Variants in HADHA observed in about 807,000 individuals in gnomAD.
HADHA encodes the protein hydroxyacyl-CoA dehydrogenase trifunctional multienzyme complex subunit alpha.
A neutral mutation model predicts 91.3 loss-of-function variants in HADHA; 59 were observed. That is an observed-to-expected ratio of 0.65 (90% CI 0.52 to 0.80). HADHA has a LOEUF of 0.80. Ranked by LOEUF, HADHA falls within the 30% of genes least tolerant of loss-of-function variation. The pLI, the probability that HADHA is intolerant of heterozygous loss-of-function variation, is 0.00. For synonymous variants in HADHA, 320 were observed against 338.9 expected (o/e 0.94, Z 0.61); for missense variants, 800 against 927.6 (o/e 0.86, Z 1.79).
intron 1 of HADHA, among the ~76,000 whole-genome samples, chr2:26,242,639 T>TGGTA (rs756357729): frequency 3.4e-4 from 52 of 152,212 alleles, no homozygotes; most frequent in Non-Finnish European, 1.0e-4. Flanking sequence ...TCACACAAGG[T>TGGTA]GGTATTATTC....
rs772501084 is a variant in HADHA, at chr2:26,215,021, C to G, written c.799+32G>C. 5 of 1,579,028 alleles carry G rather than the reference C, an allele frequency of 3.2e-6. No homozygotes were observed. In the South Asian group the frequency reaches 4.4e-5, roughly 14 times the overall value. ...TAAAATTAAATTCTCAGGAAAGAAGCTTTGCCTTTGTTCTTTAACAATGAT... is the reference window on the plus strand; with the variant it reads ...TAAAATTAAATTCTCAGGAAAGAAGGTTTGCCTTTGTTCTTTAACAATGAT... On this transcript the variant is annotated intron_variant, in intron 8 of 19. Coordinates refer to ENST00000380649, the MANE Select transcript of HADHA (RefSeq NM_000182.5).
At chr2:26,240,675 G>A (rs1051510349) in intron 1 of HADHA, among the ~76,000 whole-genome samples, 1 of 152,106 alleles carries the variant, frequency 6.6e-6, no homozygotes, top group African/African-American at 2.4e-5. Context: ...TTTGAGACGA[G>A]GTCTCCCTAT....
At chr2:26,193,533 T>G (rs1669572916) in intron 17 of HADHA, 44 bp downstream of exon 17, 1 of 1,493,300 alleles carries the variant, frequency 6.7e-7, no homozygotes, top group Admixed American at 1.7e-5. Context: ...TGCTTAGAAC[T>G]TTGTAACTAA....
intron 14 of HADHA, among the ~76,000 whole-genome samples, 161 bp from the exon 15 acceptor site, chr2:26,195,393 G>T (rs962673548): frequency 6.6e-6 from 1 of 152,026 alleles, no homozygotes; most frequent in Non-Finnish European, 1.5e-5. Context: ...TTTGATAAAA[G>T]TTTAGTATGT....
chr2:26,238,166 C>G (rs545583281), intron 3 of HADHA, among the ~76,000 whole-genome samples: 4 of 152,100 alleles, frequency 2.6e-5, no homozygotes, highest in Non-Finnish European at 4.4e-5. Flanking sequence ...CATCACCATA[C>G]CCAACTATTT....
At chr2:26,236,377 A>ATT (rs1553315895) in intron 4 of HADHA, among the ~76,000 whole-genome samples, 6 of 94,044 alleles carry the variant, frequency 6.4e-5, no homozygotes, top group Admixed American at 1.1e-4. Context: ...ATATATATAT[A>ATT]CTCTGTGTGT....
In HADHA at chr2:26,208,189, T is replaced by C. The variant is rs1670012607; in HGVS notation, c.1085+1591A>G. 2.0e-5 allele frequency among the ~76,000 whole-genome samples: 3 copies of C among 152,334 alleles called. No homozygotes were observed. The South Asian group carries it at 6.2e-4, about 32-fold the overall frequency. On this transcript the variant is annotated intron_variant, in intron 11 of 19. Coordinates refer to ENST00000380649, the MANE Select transcript of HADHA (RefSeq NM_000182.5). ...TTTGCAAATGCTGATTTAAGAATAT[T>C]TAAATCAAGTTCTGTTATAGTCTTC... is the stretch of plus-strand genomic sequence containing the variant.
Position 26,244,556 on chromosome 2 carries a change from G to A in HADHA, c.41C>T (p.Ser14Phe), listed in dbSNP as rs765213828. The A allele has an allele frequency of 6.9e-6, 11 of 1,588,234 alleles. No individual in the cohort carries two copies. In the African/African-American group the frequency reaches 1.5e-4, roughly 21 times the overall value. Residue 14 changes from serine to phenylalanine, a missense_variant, in exon 1 of 20, where the codon TCT becomes TTT. By Grantham distance (155) the Ser-to-Phe change is radical. Coordinates refer to ENST00000380649, the MANE Select transcript of HADHA (RefSeq NM_000182.5). ...TCGGGAGCGGAGGATCCTGAAGGCA[G>A]AAAAGCGGCTGAGGATGCCAATCGC... ...CRAIGILSRFSAFRILRSRGY... is the reference protein window; with the variant it reads ...CRAIGILSRFFAFRILRSRGY...
At chr2:26,191,713 T>TG in intron 18 of HADHA, 85 bp from the exon 19 acceptor site, 1 of 1,379,916 alleles carries the variant, frequency 7.2e-7, no homozygotes, top group Non-Finnish European at 1.0e-6. Flanking sequence ...GAAGTCGGGA[T>TG]GGGTGCATGG....
intron 11 of HADHA, 79 bp from the exon 12 acceptor site, chr2:26,204,275 T>C (rs1199571987): frequency 7.8e-7 from 1 of 1,282,132 alleles, no homozygotes; most frequent in Non-Finnish European, 1.1e-6. Flanking sequence ...CCTAAGTTAT[T>C]CAATAAACCA....
At chr2:26,192,198 G>A (rs1040613291) in intron 18 of HADHA, 112 bp downstream of exon 18, 23 of 682,288 alleles carry the variant, frequency 3.4e-5, no homozygotes, top group Non-Finnish European at 4.8e-5. Flanking sequence ...ACCTGCACAT[G>A]TATCCCAGGA....
intron 7 of HADHA, among the ~76,000 whole-genome samples, chr2:26,224,228 A>G: frequency 6.6e-6 from 1 of 152,280 alleles, no homozygotes; most frequent in East Asian, 1.9e-4. Flanking sequence ...TACTGGGGGG[A>G]AAAAGGAGCT....
At position 26,238,865 on chromosome 2, in the gene HADHA, C is replaced by G. The variant is rs2303892; in HGVS notation, c.180+69G>C. ...GGTAGATTTGGGGAAATATGGGATA[C>G]ATCTTTCCCATTCAGGACTAGATTC... On this transcript the variant is annotated intron_variant, in intron 3 of 19. Coordinates refer to ENST00000380649, the MANE Select transcript of HADHA (RefSeq NM_000182.5). The G allele has an allele frequency of 0.2, 187,801 of 919,224 alleles. 20,930 individuals are homozygous for G. Among genetic ancestry groups the G allele is most frequent in the Middle Eastern group, 0.25 (775 of 3,088 alleles). 56.9% of individuals were successfully genotyped at this position (919,224 alleles called of 1,614,324 possible). A position where few individuals can be genotyped will look rare whatever the true frequency, so the allele number is the denominator to read the frequency against.
At chr2:26,243,306 T>C (rs1299067274) in intron 1 of HADHA, 1 of 152,096 alleles carries the variant, frequency 6.6e-6, no homozygotes, top group Non-Finnish European at 1.5e-5. Context: ...TCAAAAGTGT[T>C]GTGAAAATAG....
At chr2:26,225,680 C>T (rs1424254731) in intron 7 of HADHA, among the ~76,000 whole-genome samples, 1 of 152,060 alleles carries the variant, frequency 6.6e-6, no homozygotes, top group African/African-American at 2.4e-5. Context: ...AAAGGCATGA[C>T]AAAATTCAAT....
intron 11 of HADHA, among the ~76,000 whole-genome samples, chr2:26,206,465 G>C (rs368761405): frequency 1.2e-3 from 179 of 152,216 alleles, no homozygotes; most frequent in African/African-American, 4.1e-3. Flanking sequence ...CTGACCTCAG[G>C]TGATCCACGC....
At chr2:26,217,802 G>A (rs1181647370) in intron 7 of HADHA, among the ~76,000 whole-genome samples, 3 of 152,116 alleles carry the variant, frequency 2.0e-5, no homozygotes, top group Admixed American at 1.3e-4. Context: ...AGCTACTCGA[G>A]AGGCTGACGT....
intron 7 of HADHA, among the ~76,000 whole-genome samples, chr2:26,222,235 A>C (rs1191622977): frequency 6.6e-6 from 1 of 152,228 alleles, no homozygotes; most frequent in Non-Finnish European, 1.5e-5. Flanking sequence ...CTGCAAGCCA[A>C]AGAGAGATGC....
At chr2:26,209,185 A>G (rs1670035929) in intron 11 of HADHA, among the ~76,000 whole-genome samples, 1 of 152,138 alleles carries the variant, frequency 6.6e-6, no homozygotes, top group Non-Finnish European at 1.5e-5. Context: ...GTTCCCAGGC[A>G]TTGTCAAATG....
Sources: allele counts gnomAD v4.1 joint callset (sites outside exome capture counted in the v4.1 genomes callset), GRCh38; gene constraint gnomAD v4.1.1; transcripts MANE v1.5; gene names NCBI Gene and HGNC (gene_info 2026-07-23, HGNC 2026-07-21).